The following GALNT13 variants were observed in gnomAD, a reference collection of about 807,000 sequenced individuals.
GALNT13 encodes the protein UDP-GalNAc:polypeptide N-acetylgalactosaminyltransferase 13.
In GALNT13, 28 loss-of-function variants were observed where a neutral mutation model predicts 64.2. The ratio of observed to expected loss-of-function variants is 0.44; its 90% confidence interval spans 0.32 to 0.60. The LOEUF (loss-of-function observed/expected upper bound fraction) is 0.60. GALNT13 is among the 20% of genes least tolerant of loss of function. GALNT13 has a pLI of 0.05. For synonymous variants in GALNT13, 214 were observed against 224.6 expected (o/e 0.95, Z 0.42); for missense variants, 577 against 669.8 (o/e 0.86, Z 1.53).
chr2:153,223,630 T>C, the GALNT13 span, among the ~76,000 whole-genome samples: 4 of 152,106 alleles, frequency 2.6e-5, no homozygotes, highest in African/African-American at 9.7e-5. Context: ...TATGTTCAAC[T>C]AAATATTAGT....
chr2:153,726,146 C>A, the GALNT13 span, among the ~76,000 whole-genome samples: 3 of 152,038 alleles, frequency 2.0e-5, no homozygotes, highest in Non-Finnish European at 4.4e-5. Context: ...GGTACAAATA[C>A]ACATATTCAC....
At chr2:153,824,217 A>G in the GALNT13 span, among the ~76,000 whole-genome samples, 1 of 152,298 alleles carries the variant, frequency 6.6e-6, no homozygotes, top group African/African-American at 2.4e-5. Context: ...TATACACTGT[A>G]TATAGCTATA....
intron 4 of GALNT13, among the ~76,000 whole-genome samples, chr2:154,150,133 A>G (rs1683896599): frequency 6.6e-6 from 1 of 152,202 alleles, no homozygotes; most frequent in Non-Finnish European, 1.5e-5. Context: ...AGTTAATAGC[A>G]TGAAGAGTTG....
Position 154,216,010 on chromosome 2 carries a change from CAAATT to C in GALNT13, c.312-26015_312-26011del, listed in dbSNP as rs532691700. Reference sequence around the variant, plus strand: ...AAGATTATATTTTAGAAATATAAAACAAATTAAATAATAATTATTTTACATTTGAT... The same window carrying C: ...AAGATTATATTTTAGAAATATAAAACAAATAATAATTATTTTACATTTGAT... On this transcript the variant is annotated intron_variant, in intron 4 of 12. Transcript: ENST00000392825. 2.9e-3 allele frequency among the ~76,000 whole-genome samples: 435 copies of C among 151,800 alleles called. 4 individuals are homozygous for C. The highest frequency in any genetic ancestry group is 0.01 in the African/African-American group (431 of 41,496).
chr2:154,052,358 T>A (rs1180241976), intron 3 of GALNT13, among the ~76,000 whole-genome samples: 1 of 152,208 alleles, frequency 6.6e-6, no homozygotes, highest in Non-Finnish European at 1.5e-5. Context: ...ATGAGACTAT[T>A]TTTCTTGCAC....
the GALNT13 span, among the ~76,000 whole-genome samples, chr2:153,248,494 G>A: frequency 1.2e-4 from 15 of 126,348 alleles, no homozygotes; most frequent in South Asian, 9.8e-4. Flanking sequence ...CAGAAAAGGC[G>A]TGAGATAAAA....
At chr2:154,368,169 A>T (rs1039849991) in intron 9 of GALNT13, among the ~76,000 whole-genome samples, 1 of 152,204 alleles carries the variant, frequency 6.6e-6, no homozygotes, top group Non-Finnish European at 1.5e-5. Context: ...TGTAAAAAAA[A>T]AATTCTCTGG....
In GALNT13 at chr2:154,450,418, C is replaced by T. The variant is rs750588889; in HGVS notation, c.1538C>T (p.Thr513Met). The change falls in exon 13 of 13, where the codon ACG (threonine) becomes ATG (methionine). Residue 513 changes from threonine (T) to methionine (M), a missense_variant. Around this residue, in one of 3 missense-constraint regions of GALNT13, gnomAD observed 232 missense variants for 270.6 expected, o/e 0.86. Transcript: ENST00000392825. ...QLWEYDAERL[T>M]LRHVNSNQCL... ...ATTGGTTATCTTTTACAGAGACTCA[C>T]GTTGCGACATGTTAACAGTAACCAA... The T allele has an allele frequency of 1.5e-5, 24 of 1,609,688 alleles. No individual in the cohort carries two copies. The highest frequency in any genetic ancestry group is 1.2e-4 in the South Asian group (11 of 90,424).
intron 4 of GALNT13, among the ~76,000 whole-genome samples, chr2:154,210,833 G>A (rs1687718357): frequency 6.6e-6 from 1 of 152,100 alleles, no homozygotes; most frequent in Non-Finnish European, 1.5e-5. Flanking sequence ...AGTGATGATA[G>A]ATAAAAGAAG....
chr2:153,639,399 G>C, the GALNT13 span, among the ~76,000 whole-genome samples: 1 of 152,140 alleles, frequency 6.6e-6, no homozygotes, highest in Non-Finnish European at 1.5e-5. Context: ...ATAATTATGA[G>C]TGAGGCAAAA....
chr2:154,360,793 T>C (rs142359014), intron 9 of GALNT13, among the ~76,000 whole-genome samples: 1 of 152,202 alleles, frequency 6.6e-6, no homozygotes, highest in East Asian at 1.9e-4. Context: ...CTCAGTTTGA[T>C]GTGGCACCAT....
the GALNT13 span, among the ~76,000 whole-genome samples, chr2:153,265,013 C>T: frequency 6.6e-6 from 1 of 152,184 alleles, no homozygotes; most frequent in Non-Finnish European, 1.5e-5. Flanking sequence ...TGCCTTTTGC[C>T]TTATTTTACT....
the GALNT13 span, among the ~76,000 whole-genome samples, chr2:153,523,857 G>GA: frequency 2.0e-5 from 3 of 152,152 alleles, no homozygotes; most frequent in Admixed American, 1.3e-4. Context: ...AGGCAGTGGT[G>GA]AGATGACCTT....
At chr2:153,301,307 C>A in the GALNT13 span, among the ~76,000 whole-genome samples, 2 of 14,452 alleles carry the variant, frequency 1.4e-4, no homozygotes, top group African/African-American at 1.5e-3. Flanking sequence ...GAGACTCCTT[C>A]TCAAAAAAAA....
chr2:153,646,187 G>A, the GALNT13 span, among the ~76,000 whole-genome samples: 1 of 151,936 alleles, frequency 6.6e-6, no homozygotes, highest in African/African-American at 2.4e-5. Context: ...CAGTGAAATT[G>A]CAAATAGCTG....
chr2:153,119,960 T>C, the GALNT13 span, among the ~76,000 whole-genome samples: 1 of 152,192 alleles, frequency 6.6e-6, no homozygotes, highest in Non-Finnish European at 1.5e-5. Context: ...CTATCTATCA[T>C]AAATAAGCTA....
the GALNT13 span, among the ~76,000 whole-genome samples, chr2:153,797,458 A>C: frequency 6.6e-6 from 1 of 152,168 alleles, no homozygotes; most frequent in Admixed American, 6.5e-5. Context: ...TGGGTCACAG[A>C]AGCTCAACCA....
chr2:153,483,733 T>C, the GALNT13 span, among the ~76,000 whole-genome samples: 3 of 152,184 alleles, frequency 2.0e-5, no homozygotes, highest in East Asian at 5.8e-4. Flanking sequence ...GAAATTCTTA[T>C]AGATGTTACA....
At chr2:153,518,009 T>C in the GALNT13 span, among the ~76,000 whole-genome samples, 2 of 152,060 alleles carry the variant, frequency 1.3e-5, no homozygotes, top group Admixed American at 6.6e-5. Flanking sequence ...ATTTAAAAAA[T>C]GATTCGTGCC....
Sources: gnomAD v4.1 joint callset for allele counts (sites outside exome capture counted in the v4.1 genomes callset) on GRCh38, gnomAD v4.1.1 for gene constraint, gnomAD v4.1.1 regional missense constraint, MANE v1.5 for transcripts, NCBI Gene and HGNC (gene_info 2026-07-23, HGNC 2026-07-21) for gene names.